BPIFB4: variants seen among roughly 807,000 people sequenced by gnomAD.
The protein encoded by BPIFB4 is BPI fold containing family B member 4.
BPIFB4 carries 62 observed loss-of-function variants against 69.2 expected under a neutral mutation model. The ratio of observed to expected loss-of-function variants is 0.90; its 90% CI spans 0.73 to 1.11. BPIFB4 has a LOEUF of 1.11. BPIFB4 is among the 50% of genes least tolerant of loss of function. The pLI is 0.00. For synonymous variants in BPIFB4, 330 were observed against 332.7 expected (o/e 0.99, Z 0.09); for missense variants, 789 against 792.0 (o/e 1.00, Z 0.04).
rs765446352 is a variant in BPIFB4, at chr20:33,103,000, G to C, written c.1666G>C (p.Val556Leu). 3.7e-6 allele frequency: 6 copies of C among 1,614,066 alleles called. No homozygotes were observed. In the Admixed American group the frequency reaches 1.0e-4, roughly 27 times the overall value. Residue 556 changes from valine (V) to leucine (L), a missense_variant, in exon 15 of 18, where the codon GTG becomes CTG. Physicochemically the swap from Val to Leu is conservative, Grantham distance 32 (BLOSUM62 1). Transcript: ENST00000375483. ...CAGCCTCAACCTCAGAACCTCAAAC[G>C]TGGGCAACTTTGATGTAAGTACCAT... The part of the protein sequence containing the change: ...KTSLNLRTSN[V>L]GNFDIGLMEV...
intron 17 of BPIFB4, among the ~76,000 whole-genome samples, chr20:33,108,440 CAT>C (rs1435562352): frequency 5.7e-5 from 3 of 52,830 alleles, no homozygotes; most frequent in African/African-American, 2.6e-4. Flanking sequence ...TATATATAGA[CAT>C]ATATACAATC....
intron 14 of BPIFB4, among the ~76,000 whole-genome samples, chr20:33,101,101 G>A (rs536917827): frequency 1.3e-5 from 2 of 152,310 alleles, no homozygotes; most frequent in African/African-American, 2.4e-5. Context: ...GGATGCTGGT[G>A]ATGATGACAT....
chr20:33,110,848 T>C (rs1982218066), intron 17 of BPIFB4, among the ~76,000 whole-genome samples: 1 of 148,990 alleles, frequency 6.7e-6, no homozygotes, highest in Non-Finnish European at 1.5e-5. Flanking sequence ...GGAGTTTTGC[T>C]CTTGTCACCC....
Position 33,084,879 on chromosome 20 carries a change from G to A in BPIFB4, c.678-13G>A. The A allele has an allele frequency of 6.2e-7, 1 of 1,603,966 alleles. No individual in the cohort carries two copies. Among genetic ancestry groups the A allele is most frequent in the Non-Finnish European group, 8.5e-7 (1 of 1,179,502 alleles). Reference sequence around the variant, plus strand: ...GGGTGGCCGGCCTTCTCACCACTCTGTGTCCCGAGCAGGCTGCGTATCGTG... The same window carrying A: ...GGGTGGCCGGCCTTCTCACCACTCTATGTCCCGAGCAGGCTGCGTATCGTG... On this transcript the variant is annotated splice_polypyrimidine_tract_variant and intron_variant, in intron 5 of 17. Coordinates refer to ENST00000375483, the MANE Select transcript of BPIFB4 (RefSeq NM_182519.3).
At chr20:33,088,352 A>G (rs943166889) in intron 7 of BPIFB4, among the ~76,000 whole-genome samples, 20 of 151,868 alleles carry the variant, frequency 1.3e-4, no homozygotes, top group African/African-American at 2.9e-4. Flanking sequence ...AAAAAAAAAA[A>G]AAAAGAAAAG....
At chr20:33,085,648 A>G (rs979618579) in intron 6 of BPIFB4, among the ~76,000 whole-genome samples, 1 of 152,202 alleles carries the variant, frequency 6.6e-6, no homozygotes, top group East Asian at 1.9e-4. Flanking sequence ...GGGAAAGGCA[A>G]GCAAAATGCT....
chr20:33,110,455 C>T (rs13044321), intron 17 of BPIFB4, among the ~76,000 whole-genome samples: 31,234 of 152,190 alleles, frequency 0.21, 4,123 homozygotes, highest in Non-Finnish European at 0.28. Flanking sequence ...TGCTTCTTCA[C>T]TGTAAAATTA....
At chr20:33,107,894 G>A in intron 17 of BPIFB4, 74 bp downstream of exon 17, 1 of 1,328,954 alleles carries the variant, frequency 7.5e-7, no homozygotes, top group East Asian at 2.3e-5. Context: ...CTGCATTCAG[G>A]CCAGGAACTT....
chr20:33,109,342 C>G (rs1982170161), intron 17 of BPIFB4, among the ~76,000 whole-genome samples: 1 of 152,110 alleles, frequency 6.6e-6, no homozygotes, highest in Admixed American at 6.6e-5. Context: ...TGTTCAGTGC[C>G]CCATACATAG....
At chr20:33,089,350 G>C in intron 8 of BPIFB4, 148 bp from the exon 9 acceptor site, 1 of 1,313,392 alleles carries the variant, frequency 7.6e-7, no homozygotes. Flanking sequence ...ATTAGAGACA[G>C]CCTTCCCCAC....
At chr20:33,107,847 C>A (rs1050598146) in intron 17 of BPIFB4, 27 bp downstream of exon 17, 10 of 1,586,224 alleles carry the variant, frequency 6.3e-6, no homozygotes, top group Non-Finnish European at 8.7e-6. Context: ...CTCCATTCTG[C>A]TTTTCCTCCC....
Position 33,100,091 on chromosome 20 carries a change from C to T in BPIFB4, c.1570-335C>T, listed in dbSNP as rs112885007. On this transcript the variant is annotated intron_variant, in intron 13 of 17. Coordinates refer to ENST00000375483, the MANE Select transcript of BPIFB4 (RefSeq NM_182519.3). The stretch of plus-strand genomic sequence containing the variant: ...GCATTGCAGAGACACCTGGTAAACA[C>T]CCTCTATAAATCATGGGGATCCTGT... Among the ~76,000 whole-genome samples the T allele has an allele frequency of 2.2e-4, 33 of 152,290 alleles. 1 individual carries two copies. The highest frequency in any genetic ancestry group is 7.5e-4 in the African/African-American group (31 of 41,564).
intron 13 of BPIFB4, among the ~76,000 whole-genome samples, chr20:33,099,307 G>A (rs991586672): frequency 1.3e-5 from 2 of 152,152 alleles, no homozygotes; most frequent in Non-Finnish European, 2.9e-5. Context: ...GGGTTCTTGT[G>A]TGGGCCTTAT....
At position 33,106,376 on chromosome 20, in the gene BPIFB4, C is replaced by CTTTTTTT. The variant is rs71190890; in HGVS notation, c.1745-1360_1745-1354dup. On this transcript the variant is annotated intron_variant, in intron 16 of 17. Transcript: ENST00000375483. ...TGCTGGGGACACAGCTCTTTTCTTTCTTTTTTTTTTTTTTGAGATGGAGTC... is the reference window on the plus strand; with the variant it reads ...TGCTGGGGACACAGCTCTTTTCTTTCTTTTTTTTTTTTTTTTTTTTTGAGATGGAGTC... Among the ~76,000 whole-genome samples, 723 of 132,986 alleles carry CTTTTTTT rather than the reference C, an allele frequency of 5.4e-3. 14 individuals carry two copies. The highest frequency in any genetic ancestry group is 0.018 in the East Asian group (88 of 4,780). 87.2% of individuals were successfully genotyped at this position (132,986 alleles called of 152,430 possible). A position where few individuals can be genotyped will look rare whatever the true frequency, so the allele number is the denominator to read the frequency against.
At chr20:33,098,335 TGG>T (rs1276550635) in intron 13 of BPIFB4, among the ~76,000 whole-genome samples, 1 of 152,160 alleles carries the variant, frequency 6.6e-6, no homozygotes, top group African/African-American at 2.4e-5. Context: ...TACTTGACAC[TGG>T]GGAAAGGGGA....
intron 16 of BPIFB4, among the ~76,000 whole-genome samples, chr20:33,106,254 C>T (rs2424961): frequency 0.53 from 79,903 of 151,928 alleles, 21,681 homozygotes; most frequent in Middle Eastern, 0.62. Flanking sequence ...GCACATCCCA[C>T]GGCAGAGTCA....
At chr20:33,099,278 G>T (rs1981841518) in intron 13 of BPIFB4, among the ~76,000 whole-genome samples, 1 of 152,160 alleles carries the variant, frequency 6.6e-6, no homozygotes, top group Admixed American at 6.5e-5. Context: ...GCTGGAGCAT[G>T]CCAAGCCACA....
chr20:33,101,351 T>TG (rs1981903518), intron 14 of BPIFB4, among the ~76,000 whole-genome samples: 1 of 152,152 alleles, frequency 6.6e-6, no homozygotes, highest in Non-Finnish European at 1.5e-5. Context: ...CCAAGCAATA[T>TG]GGGTTCAAAT....
intron 16 of BPIFB4, among the ~76,000 whole-genome samples, chr20:33,106,526 C>T (rs906273741): frequency 2.6e-5 from 4 of 151,958 alleles, no homozygotes; most frequent in Non-Finnish European, 5.9e-5. Context: ...CTGTGCACCA[C>T]CACACCCAGC....
Sources: allele counts gnomAD v4.1 joint callset (sites outside exome capture counted in the v4.1 genomes callset), GRCh38; gene constraint gnomAD v4.1.1; transcripts MANE v1.5; gene names NCBI Gene and HGNC (gene_info 2026-07-23, HGNC 2026-07-21).